The following NUMB variants were observed in gnomAD, a reference collection of about 807,000 sequenced individuals.
NUMB encodes protein numb homolog.
NUMB carries 29 observed loss-of-function variants against 59.7 expected under a neutral mutation model. The ratio of observed to expected loss-of-function variants is 0.49; its 90% CI spans 0.36 to 0.66. The LOEUF is 0.66. NUMB is among the 30% of genes least tolerant of loss of function. The probability of loss-of-function intolerance (pLI) is 0.00; values close to 1 mark genes in which losing one functional copy is unlikely to be tolerated. For missense variants in NUMB, 723 were observed against 822.0 expected, an observed-to-expected ratio of 0.88 and a Z score of 1.47; for synonymous variants, 288 against 288.2, an observed-to-expected ratio of 1.00 and a Z score of 0.01.
intron 5 of NUMB, among the ~76,000 whole-genome samples, chr14:73,321,856 A>AT (rs985887671): frequency 6.6e-6 from 1 of 152,104 alleles, no homozygotes; most frequent in African/African-American, 2.4e-5. Flanking sequence ...TTTTTTTAAA[A>AT]TTTTTTAGTT....
At chr14:73,457,537 A>G (rs550574216) in intron 1 of NUMB, 1 of 152,202 alleles carries the variant, frequency 6.6e-6, no homozygotes, top group South Asian at 2.1e-4. Flanking sequence ...CCCCTCCTAT[A>G]GGGATTCTCT....
chr14:73,456,830 T>C (rs1337635052), intron 1 of NUMB, among the ~76,000 whole-genome samples: 1 of 152,212 alleles, frequency 6.6e-6, no homozygotes, highest in Non-Finnish European at 1.5e-5. Context: ...TATAAATTAT[T>C]GGGCCCCACC....
intron 1 of NUMB, among the ~76,000 whole-genome samples, chr14:73,450,835 C>T (rs1323590133): frequency 6.7e-6 from 1 of 150,022 alleles, no homozygotes; most frequent in Non-Finnish European, 1.5e-5. Flanking sequence ...CTTCTTATAA[C>T]AAAGTCGCTT....
At chr14:73,451,020 A>C (rs1883896769) in intron 1 of NUMB, among the ~76,000 whole-genome samples, 1 of 151,370 alleles carries the variant, frequency 6.6e-6, no homozygotes, top group Non-Finnish European at 1.5e-5. Context: ...TGGGCATGCT[A>C]GTTGGCACCT....
intron 1 of NUMB, among the ~76,000 whole-genome samples, chr14:73,445,354 CA>C (rs752154048): frequency 1.6e-4 from 9 of 57,576 alleles, no homozygotes; most frequent in African/African-American, 4.2e-4. Flanking sequence ...GACCCTGTCT[CA>C]AAAAAAAAAA....
chr14:73,367,348 T>TATATATATAGAGAGAGAGAG (rs1555375287), intron 2 of NUMB, among the ~76,000 whole-genome samples: 82 of 105,200 alleles, frequency 7.8e-4, no homozygotes, highest in African/African-American at 3.9e-3. Context: ...TATATATATA[T>TATATATATAGAGAGAGAGAG]AGAGAGAGAG....
At chr14:73,362,622 C>T (rs980970570) in intron 3 of NUMB, among the ~76,000 whole-genome samples, 5 of 151,778 alleles carry the variant, frequency 3.3e-5, no homozygotes, top group Non-Finnish European at 5.9e-5. Context: ...TTTGTAGAGA[C>T]GGGGTTTTGC....
At chr14:73,441,512 G>A (rs1234753528) in intron 1 of NUMB, among the ~76,000 whole-genome samples, 1 of 151,938 alleles carries the variant, frequency 6.6e-6, no homozygotes, top group Non-Finnish European at 1.5e-5. Context: ...CTCCAGCCTG[G>A]GCAACAGAGC....
intron 3 of NUMB, among the ~76,000 whole-genome samples, chr14:73,365,338 G>A (rs1461404349): frequency 1.3e-5 from 2 of 152,106 alleles, no homozygotes; most frequent in Non-Finnish European, 2.9e-5. Flanking sequence ...ATCATGCCTG[G>A]CCATCTTATT....
At chr14:73,378,831 C>A (rs866133278) in intron 2 of NUMB, among the ~76,000 whole-genome samples, 2 of 152,166 alleles carry the variant, frequency 1.3e-5, no homozygotes, top group South Asian at 4.1e-4. Context: ...CAGACCATGT[C>A]ATTACATATT....
Position 73,278,927 on chromosome 14 carries a change from TG to T in NUMB, c.1240+353del. ...ATTTTTAGTAGAGATGGTTTCACCA[TG>T]TTGGCCAGGATGGTCTCCATCTCCT... On this transcript the variant is annotated intron_variant, in intron 12 of 12. Coordinates refer to ENST00000555238, the MANE Select transcript of NUMB (RefSeq NM_001005743.2). Among the ~76,000 whole-genome samples, 2 of 152,222 alleles carry T rather than the reference TG, an allele frequency of 1.3e-5. 1 individual carries two copies. The highest frequency in any genetic ancestry group is 4.1e-4 in the South Asian group (2 of 4,822).
chr14:73,434,579 C>T (rs1456366649), intron 1 of NUMB, among the ~76,000 whole-genome samples: 1 of 152,096 alleles, frequency 6.6e-6, no homozygotes, highest in Non-Finnish European at 1.5e-5. Context: ...CAGAAAGTAC[C>T]TCTAGGCTGG....
intron 2 of NUMB, among the ~76,000 whole-genome samples, chr14:73,398,413 A>AGT (rs1452367894): frequency 0.011 from 1,309 of 117,698 alleles, 12 homozygotes; most frequent in Non-Finnish European, 0.015. Context: ...AGAGAGAGAG[A>AGT]GAGTGTGTGT....
chr14:73,402,586 T>C, intron 2 of NUMB, among the ~76,000 whole-genome samples: 1 of 152,162 alleles, frequency 6.6e-6, no homozygotes, highest in East Asian at 1.9e-4. Context: ...ACCAAACAAT[T>C]ATAATAATAA....
intron 2 of NUMB, among the ~76,000 whole-genome samples, chr14:73,393,143 C>T (rs1340058724): frequency 6.6e-6 from 1 of 152,172 alleles, no homozygotes; most frequent in East Asian, 1.9e-4. Context: ...TCTATGTGAA[C>T]AGTGCTGTGC....
chr14:73,424,464 T>C (rs144491934), intron 1 of NUMB, among the ~76,000 whole-genome samples: 1 of 152,326 alleles, frequency 6.6e-6, no homozygotes, highest in East Asian at 1.9e-4. Flanking sequence ...GTGCTTCTAA[T>C]GAAGTCACTA....
chr14:73,415,895 A>T lies in NUMB; in HGVS notation c.-232-5827T>A, dbSNP rs140151831. 2.6e-5 allele frequency among the ~76,000 whole-genome samples: 4 copies of T among 152,350 alleles called. No individual in the cohort carries two copies. In the East Asian group the frequency reaches 5.8e-4, roughly 22 times the overall value. On this transcript the variant is annotated intron_variant, in intron 1 of 12. Coordinates refer to ENST00000555238, the MANE Select transcript of NUMB (RefSeq NM_001005743.2). Reference sequence around the variant, plus strand: ...AGGCTATGTTTTATAATAAAGAGGAAATATGAAAACAGATTATTTCTAAAA... The same window carrying T: ...AGGCTATGTTTTATAATAAAGAGGATATATGAAAACAGATTATTTCTAAAA...
intron 1 of NUMB, among the ~76,000 whole-genome samples, chr14:73,429,323 G>A (rs1480387690): frequency 6.6e-6 from 1 of 152,070 alleles, no homozygotes; most frequent in Non-Finnish European, 1.5e-5. Context: ...AGTGAGCAGA[G>A]ATCACGCCAC....
At chr14:73,443,439 T>C (rs1345196526) in intron 1 of NUMB, among the ~76,000 whole-genome samples, 1 of 151,232 alleles carries the variant, frequency 6.6e-6, no homozygotes, top group African/African-American at 2.4e-5. Flanking sequence ...CTACTAAAAT[T>C]ACAAAATTAG....
Sources: gnomAD v4.1 joint callset for allele counts (sites outside exome capture counted in the v4.1 genomes callset) on GRCh38, gnomAD v4.1.1 for gene constraint, MANE v1.5 for transcripts, NCBI Gene and HGNC (gene_info 2026-07-23, HGNC 2026-07-21) for gene names.